The following PLCE1 variants were observed in gnomAD, a reference collection of about 807,000 sequenced individuals.
PLCE1 encodes phospholipase C epsilon 1.
In PLCE1, 119 loss-of-function variants were observed where a neutral mutation model predicts 242.8. The ratio of observed to expected loss-of-function variants is 0.49; its 90% CI spans 0.42 to 0.57. PLCE1 has a LOEUF of 0.57. Among genes scored for constraint, PLCE1 ranks in the 20% least tolerant of loss-of-function variants. PLCE1 has a pLI of 0.00. For missense variants in PLCE1, 2,441 were observed against 2,788.8 expected, an observed-to-expected ratio of 0.88 and a Z score of 2.81; for synonymous variants, 945 against 1,017.4, an observed-to-expected ratio of 0.93 and a Z score of 1.35.
rs182830983 is a variant in PLCE1 at position 94,021,599 on chromosome 10, A to C, written c.-364-9084A>C. 5.9e-5 allele frequency among the ~76,000 whole-genome samples: 9 copies of C among 152,224 alleles called. No homozygotes were observed. The East Asian group carries it at 1.5e-3, about 26-fold the overall frequency. ...TTCTAGACTATATTCTATTTCATTG[A>C]TGTAAATTTCTATCCTTATGCCAGT... On this transcript the variant is annotated intron_variant, in intron 1 of 32. Transcript: ENST00000371380.
At chr10:94,284,035 T>C in intron 21 of PLCE1, 124 bp downstream of exon 21, 1 of 1,148,282 alleles carries the variant, frequency 8.7e-7, no homozygotes, top group African/African-American at 1.5e-5. Context: ...CTTAGATACC[T>C]GCCAAAGTTC....
At chr10:94,015,565 T>C (rs1460484482) in intron 1 of PLCE1, among the ~76,000 whole-genome samples, 1 of 152,160 alleles carries the variant, frequency 6.6e-6, no homozygotes, top group Admixed American at 6.5e-5. Flanking sequence ...CAGGGTTGTT[T>C]AAAGACTATT....
chr10:94,261,592 T>A (rs2051298561), intron 13 of PLCE1, among the ~76,000 whole-genome samples: 2 of 152,156 alleles, frequency 1.3e-5, no homozygotes, highest in Non-Finnish European at 2.9e-5. Context: ...TCTTCCAAAG[T>A]GGCTAAAATT....
chr10:94,024,005 A>G (rs1462749007), intron 1 of PLCE1, among the ~76,000 whole-genome samples: 1 of 152,146 alleles, frequency 6.6e-6, no homozygotes, highest in Non-Finnish European at 1.5e-5. Flanking sequence ...GTTCAGAGAA[A>G]GGAGGTCAGG....
At chr10:94,113,993 C>T (rs1015127467) in intron 2 of PLCE1, among the ~76,000 whole-genome samples, 1 of 152,204 alleles carries the variant, frequency 6.6e-6, no homozygotes, top group Non-Finnish European at 1.5e-5. Context: ...ATGCATGTCT[C>T]AATGAGTGTC....
At chr10:94,155,562 A>G (rs952911856) in intron 3 of PLCE1, 1 of 152,102 alleles carries the variant, frequency 6.6e-6, no homozygotes, top group Non-Finnish European at 1.5e-5. Context: ...GAAATTGATT[A>G]TGGTGATAGT....
chr10:94,058,725 TAA>T (rs1469211406), intron 2 of PLCE1, among the ~76,000 whole-genome samples: 6 of 152,158 alleles, frequency 3.9e-5, no homozygotes, highest in Non-Finnish European at 8.8e-5. Flanking sequence ...TCACCCTTGG[TAA>T]AATGGTGATG....
rs571619086 is a variant in PLCE1 at position 94,087,191 on chromosome 10, T to G, written c.1207-44983T>G. Among the ~76,000 whole-genome samples, 187 of 151,490 alleles carry G rather than the reference T, an allele frequency of 1.2e-3. 1 individual carries two copies. The highest frequency in any genetic ancestry group is 2.5e-3 in the South Asian group (12 of 4,780). Reference sequence around the variant, plus strand: ...AGTGAGACCCTGTTGCTATAAAGTTTTTTAAAAAATTAGCCAGGTGTGGTG... The same window carrying G: ...AGTGAGACCCTGTTGCTATAAAGTTGTTTAAAAAATTAGCCAGGTGTGGTG... On this transcript the variant is annotated intron_variant, in intron 2 of 32. Transcript: ENST00000371380.
chr10:94,180,595 C>T (rs573016194), intron 4 of PLCE1, among the ~76,000 whole-genome samples: 2 of 152,308 alleles, frequency 1.3e-5, no homozygotes, highest in Non-Finnish European at 2.9e-5. Flanking sequence ...TTCCACCTCT[C>T]TGTCTGTTCA....
intron 22 of PLCE1, among the ~76,000 whole-genome samples, chr10:94,290,205 T>C: frequency 6.6e-6 from 1 of 151,772 alleles, no homozygotes. Context: ...TTTTTCTTTT[T>C]TTTTTTAGAG....
chr10:94,159,101 T>C (rs953257912), intron 3 of PLCE1, among the ~76,000 whole-genome samples: 135 of 152,260 alleles, frequency 8.9e-4, no homozygotes, highest in African/African-American at 3.1e-3. Flanking sequence ...CTTTTTTCTT[T>C]TTGCTCTAAG....
chr10:94,238,515 C>A (rs1411434737), intron 7 of PLCE1, among the ~76,000 whole-genome samples: 3 of 152,136 alleles, frequency 2.0e-5, no homozygotes, highest in Admixed American at 2.0e-4. Flanking sequence ...AGAGACTAAC[C>A]CTTAGCCTCT....
chr10:94,061,917 C>A (rs1742109459), intron 2 of PLCE1, among the ~76,000 whole-genome samples: 1 of 152,242 alleles, frequency 6.6e-6, no homozygotes, highest in Admixed American at 6.5e-5. Flanking sequence ...ACTCCTGAGC[C>A]AAACTGCCTG....
chr10:94,276,189 G>T (rs985402694), intron 19 of PLCE1, among the ~76,000 whole-genome samples: 3 of 152,188 alleles, frequency 2.0e-5, no homozygotes, highest in African/African-American at 7.2e-5. Context: ...GGCATTTGAT[G>T]ATTATTGCCC....
chr10:94,186,935 A>G (rs1291304078), intron 4 of PLCE1, among the ~76,000 whole-genome samples: 1 of 152,242 alleles, frequency 6.6e-6, no homozygotes, highest in African/African-American at 2.4e-5. Flanking sequence ...TGAGCCAAAC[A>G]CTTTACAACC....
In PLCE1 at chr10:94,328,710, T is replaced by C. The variant is rs1348127796; in HGVS notation, c.*767T>C. 6.6e-6 allele frequency: 1 copy of C among 152,230 alleles called. No homozygotes were observed. Among genetic ancestry groups the C allele is most frequent in the Non-Finnish European group, 1.5e-5 (1 of 68,048 alleles). The allele number at this position is 152,230 out of a possible 1,614,324, so 9.4% of individuals were successfully genotyped here. On this transcript the variant is annotated 3_prime_UTR_variant, in exon 33 of 33. Transcript: ENST00000371380. ...ACATAAGAGTCATTAAAATTCAATT[T>C]AGTTCCTGTATTGTGTACCACAGTG...
At chr10:94,078,727 C>T (rs908124926) in intron 2 of PLCE1, among the ~76,000 whole-genome samples, 1 of 152,142 alleles carries the variant, frequency 6.6e-6, no homozygotes, top group African/African-American at 2.4e-5. Context: ...TCATGAACCA[C>T]CCACCTTGGC....
At chr10:94,275,529 G>A (rs779023668) in intron 19 of PLCE1, among the ~76,000 whole-genome samples, 1 of 152,110 alleles carries the variant, frequency 6.6e-6, no homozygotes, top group Non-Finnish European at 1.5e-5. Context: ...TACAGCCTCA[G>A]ACTGTCTGCT....
intron 28 of PLCE1, chr10:94,315,219 T>C: frequency 3.0e-6 from 1 of 332,662 alleles, no homozygotes; most frequent in South Asian, 2.5e-5. Context: ...GATTTCAGTC[T>C]TCCTGAGAAC....
Sources: gnomAD v4.1 joint callset for allele counts (sites outside exome capture counted in the v4.1 genomes callset) on GRCh38, gnomAD v4.1.1 for gene constraint, MANE v1.5 for transcripts, NCBI Gene and HGNC (gene_info 2026-07-23, HGNC 2026-07-21) for gene names.